The following TADA2A variants were observed in gnomAD, a reference collection of about 807,000 sequenced individuals.
TADA2A encodes transcriptional adaptor 2A, also known as transcriptional adapter 2-alpha.
Under a neutral mutation model 67.4 loss-of-function variants are expected in TADA2A, and 38 were observed. The observed-to-expected ratio is 0.56, with a 90% CI of 0.44 to 0.74. TADA2A has a LOEUF of 0.74. TADA2A is among the 30% of genes least tolerant of loss of function. The probability of loss-of-function intolerance (pLI) is 0.00; values close to 1 mark genes in which losing one functional copy is unlikely to be tolerated. For missense variants in TADA2A, 454 were observed against 547.0 expected (o/e 0.83, Z 1.70); for synonymous variants, 192 against 181.6 (o/e 1.06, Z -0.46).
chr17:37,472,276 G>T (rs2148048229), intron 14 of TADA2A, among the ~76,000 whole-genome samples: 1 of 152,100 alleles, frequency 6.6e-6, no homozygotes, highest in Non-Finnish European at 1.5e-5. Flanking sequence ...ATGCTGGCCA[G>T]GCTGGTCTCG....
intron 14 of TADA2A, among the ~76,000 whole-genome samples, chr17:37,471,943 A>T (rs2053796129): frequency 6.6e-6 from 1 of 152,222 alleles, no homozygotes; most frequent in South Asian, 2.1e-4. Flanking sequence ...TGAAATTAGT[A>T]TACAGAGCAA....
intron 4 of TADA2A, among the ~76,000 whole-genome samples, chr17:37,436,793 A>T (rs991311998): frequency 6.7e-5 from 10 of 149,622 alleles, no homozygotes; most frequent in East Asian, 3.9e-4. Flanking sequence ...TTTTTTTTTT[A>T]AAGTGTGTTT....
In TADA2A at chr17:37,479,636, T is replaced by C. The variant is rs1436039796; in HGVS notation, c.*2654T>C. 1 of 152,212 alleles carries C rather than the reference T, an allele frequency of 6.6e-6. No individual in the cohort carries two copies. The highest frequency in any genetic ancestry group is 1.5e-5 in the Non-Finnish European group (1 of 68,024). The allele number at this position is 152,212 out of a possible 1,614,324, so 9.4% of individuals were successfully genotyped here. A position where few individuals can be genotyped will look rare whatever the true frequency, so the allele number is the denominator to read the frequency against. ...AATAAAACCTGTTTACTGAAATTTTTATTGCAATTTAACGTTAAAAGTTTC... is the reference window on the plus strand; with the variant it reads ...AATAAAACCTGTTTACTGAAATTTTCATTGCAATTTAACGTTAAAAGTTTC... On this transcript the variant is annotated 3_prime_UTR_variant, in exon 16 of 16. Transcript: ENST00000615182.
intron 4 of TADA2A, among the ~76,000 whole-genome samples, chr17:37,436,163 A>C (rs2052719712): frequency 1.3e-5 from 2 of 152,102 alleles, no homozygotes; most frequent in Non-Finnish European, 2.9e-5. Context: ...CTAATCTCAA[A>C]ATAACTGTCA....
At chr17:37,410,569 T>C (rs1470768242) in intron 1 of TADA2A, among the ~76,000 whole-genome samples, 1 of 152,158 alleles carries the variant, frequency 6.6e-6, no homozygotes. Context: ...TTCAGTCTTA[T>C]GATTAAAGTT....
chr17:37,471,052 G>A (rs771640840), intron 13 of TADA2A, 42 bp from the exon 14 acceptor site: 13 of 1,612,260 alleles, frequency 8.1e-6, no homozygotes, highest in Non-Finnish European at 1.1e-5. Context: ...AAATCACCTT[G>A]TTTGATATGA....
chr17:37,458,017 A>G (rs1209530863), intron 8 of TADA2A, among the ~76,000 whole-genome samples: 1 of 152,190 alleles, frequency 6.6e-6, no homozygotes, highest in Non-Finnish European at 1.5e-5. Context: ...CGATTATTGC[A>G]TCATCCAGGT....
rs1324581427 is a variant in TADA2A, at chr17:37,470,648, C to T, written c.1028+116C>T. The T allele has an allele frequency of 3.4e-6, 4 of 1,188,290 alleles. No homozygotes were observed. In the East Asian group the frequency reaches 1.1e-4, roughly 31 times the overall value. The allele number at this position is 1,188,290 out of a possible 1,614,324, so 73.6% of individuals were successfully genotyped here. On this transcript the variant is annotated intron_variant, in intron 13 of 15. Coordinates refer to ENST00000615182, the MANE Select transcript of TADA2A (RefSeq NM_001166105.3). ...TAATAATTGAGTAGCTGGAAGAATT[C>T]AGAAATATTTTAGCAGTCCATCTCA...
chr17:37,440,710 C>T, intron 6 of TADA2A, 48 bp downstream of exon 6: 1 of 1,603,136 alleles, frequency 6.2e-7, no homozygotes, highest in Non-Finnish European at 8.5e-7. Context: ...CATCCTTGGG[C>T]CCTGTTTCAG....
chr17:37,476,179 T>C lies in TADA2A; in HGVS notation c.1147-618T>C, dbSNP rs1014934918. Among the ~76,000 whole-genome samples the C allele has an allele frequency of 2.0e-5, 3 of 152,190 alleles. No homozygotes were observed. In the East Asian group the frequency reaches 5.8e-4, roughly 29 times the overall value. ...TTCAAATATTGAATGGCCTGGAATT[T>C]CAAGCTTTTTTTATCCTTACCCACA... On this transcript the variant is annotated intron_variant, in intron 15 of 15. Coordinates refer to ENST00000615182, the MANE Select transcript of TADA2A (RefSeq NM_001166105.3).
intron 3 of TADA2A, chr17:37,426,663 CAGAAA>C (rs2052415672): frequency 5.1e-5 from 5 of 98,630 alleles, no homozygotes; most frequent in East Asian, 3.9e-4. Flanking sequence ...GACTCCGTCT[CAGAAA>C]AAAAAAAAAA....
chr17:37,432,951 T>TTTTC (rs1950132538), intron 4 of TADA2A, among the ~76,000 whole-genome samples: 1 of 149,222 alleles, frequency 6.7e-6, no homozygotes, highest in Non-Finnish European at 1.5e-5. Flanking sequence ...TTTTTTTTTT[T>TTTTC]TACTTTTTGC....
chr17:37,437,199 C>T (rs933711078), intron 4 of TADA2A, among the ~76,000 whole-genome samples: 2 of 151,462 alleles, frequency 1.3e-5, no homozygotes, highest in African/African-American at 2.4e-5. Flanking sequence ...TCATGCCATC[C>T]TCTTGCCTCA....
rs778578453 is a variant in TADA2A, at chr17:37,421,416, AAAAG to A, written c.26-2089_26-2086del. 8.2e-5 allele frequency among the ~76,000 whole-genome samples: 12 copies of A among 146,486 alleles called. 1 individual carries two copies. Among genetic ancestry groups the A allele is most frequent in the Middle Eastern group, 3.3e-3 (1 of 302 alleles). Reference sequence around the variant, plus strand: ...TCAAGAAGACCCTGTCTCAAGAAAAAAAAGAAAAATCCGAACTCAAATATAAAAT... The same window carrying A: ...TCAAGAAGACCCTGTCTCAAGAAAAAAAAAATCCGAACTCAAATATAAAAT... On this transcript the variant is annotated intron_variant, in intron 2 of 15. Transcript: ENST00000615182.
At chr17:37,465,374 A>G in intron 10 of TADA2A, 57 bp from the exon 11 acceptor site, 1 of 1,380,116 alleles carries the variant, frequency 7.2e-7, no homozygotes, top group Non-Finnish European at 9.9e-7. Flanking sequence ...AAAAATGCTG[A>G]AAACTCAGGG....
chr17:37,451,202 A>T (rs2053222894), intron 8 of TADA2A, among the ~76,000 whole-genome samples: 1 of 152,028 alleles, frequency 6.6e-6, no homozygotes, highest in South Asian at 2.1e-4. Context: ...TAATTTATAA[A>T]AAAAATTTTT....
chr17:37,450,108 A>T (rs975382933), intron 8 of TADA2A, among the ~76,000 whole-genome samples: 4 of 152,190 alleles, frequency 2.6e-5, no homozygotes, highest in South Asian at 2.1e-4. Context: ...ATAATGTCTT[A>T]AAAAAGTTTA....
In TADA2A at chr17:37,478,714, T is replaced by C. The variant is rs1279239336; in HGVS notation, c.*1732T>C. Reference sequence around the variant, plus strand: ...AAATCACATCGAATAGTTGACTGTTTAATTCCTTCTACATTCAAATATCTA... The same window carrying C: ...AAATCACATCGAATAGTTGACTGTTCAATTCCTTCTACATTCAAATATCTA... On this transcript the variant is annotated 3_prime_UTR_variant, in exon 16 of 16. Transcript: ENST00000615182. 6.6e-6 allele frequency: 1 copy of C among 152,238 alleles called. No individual in the cohort carries two copies. Among genetic ancestry groups the C allele is most frequent in the Non-Finnish European group, 1.5e-5 (1 of 68,048 alleles). 9.4% of individuals were successfully genotyped at this position (152,238 alleles called of 1,614,324 possible).
chr17:37,417,117 C>A (rs986619862), intron 2 of TADA2A, among the ~76,000 whole-genome samples: 2 of 151,988 alleles, frequency 1.3e-5, no homozygotes, highest in African/African-American at 4.8e-5. Flanking sequence ...CAATGGCTCA[C>A]GACTGTAATC....
Sources: allele counts gnomAD v4.1 joint callset (sites outside exome capture counted in the v4.1 genomes callset), GRCh38; gene constraint gnomAD v4.1.1; transcripts MANE v1.5; gene names NCBI Gene and HGNC (gene_info 2026-07-23, HGNC 2026-07-21).